Variants in PUDP observed in about 807,000 individuals in gnomAD.
PUDP encodes the protein pseudouridine-5'-phosphatase.
PUDP carries 8 observed loss-of-function variants against 9.4 expected under a neutral mutation model. The ratio of observed to expected loss-of-function variants is 0.85; its 90% CI spans 0.50 to 1.53. The LOEUF (loss-of-function observed/expected upper bound fraction) is 1.53, where lower values mean the gene tolerates loss of function less well. Among genes scored for constraint, PUDP ranks in the 40% most tolerant of loss-of-function variants. The probability of loss-of-function intolerance (pLI) is 0.00; values close to 1 mark genes in which losing one functional copy is unlikely to be tolerated. For missense variants in PUDP, 188 were observed against 189.7 expected (o/e 0.99, Z 0.05); for synonymous variants, 99 against 80.7 (o/e 1.23, Z -1.22).
chrX:7,053,033 C>T (rs1243732061), intron 3 of PUDP, among the ~76,000 whole-genome samples: 2 of 112,068 alleles, frequency 1.8e-5, no homozygotes, highest in East Asian at 5.6e-4. Context: ...ATTCTAAATG[C>T]CCTCCACTGT....
chrX:6,805,484 C>A (rs1926034383), intron 3 of PUDP, among the ~76,000 whole-genome samples: 2 of 109,810 alleles, frequency 1.8e-5, no homozygotes, highest in Non-Finnish European at 3.8e-5. Context: ...AGGGGAAGGG[C>A]ATAAGATGAA....
intron 3 of PUDP, among the ~76,000 whole-genome samples, chrX:6,748,000 A>G (rs1925020739): frequency 8.9e-6 from 1 of 111,999 alleles, no homozygotes; most frequent in Non-Finnish European, 1.9e-5. Flanking sequence ...AAAACCTTGG[A>G]GGGGAAAAAT....
chrX:7,048,827 T>A (rs1380410308), downstream of PUDP: 2 of 112,539 alleles, frequency 1.8e-5, no homozygotes, highest in Non-Finnish European at 3.8e-5. Context: ...TTGGGATTTT[T>A]AAAAAATTTA....
chrX:6,822,921 CT>C (rs1471822145), intron 3 of PUDP, among the ~76,000 whole-genome samples: 1 of 110,920 alleles, frequency 9.0e-6, no homozygotes, highest in Admixed American at 9.6e-5. Flanking sequence ...ATGAAAGCTC[CT>C]GTGTGATATA....
At chrX:6,774,941 G>C (rs1023816111) in intron 3 of PUDP, among the ~76,000 whole-genome samples, 2 of 112,473 alleles carry the variant, frequency 1.8e-5, no homozygotes, top group Non-Finnish European at 3.8e-5. Context: ...TGAGGGTGCT[G>C]TCTGGACATT....
chrX:6,813,940 G>A (rs1926185325), intron 3 of PUDP, among the ~76,000 whole-genome samples: 1 of 111,560 alleles, frequency 9.0e-6, no homozygotes, highest in African/African-American at 3.3e-5. Context: ...AGTCACATCT[G>A]GGCTTCAGGC....
chrX:6,832,987 T>TACACACACACACACAC (rs200319848), intron 3 of PUDP, among the ~76,000 whole-genome samples: 2 of 106,306 alleles, frequency 1.9e-5, no homozygotes, highest in African/African-American at 3.5e-5. Flanking sequence ...CTCTCTGACA[T>TACACACACACACACAC]ACACACACAC....
chrX:6,996,699 C>G (rs1206517149), intron 1 of PUDP, among the ~76,000 whole-genome samples: 2 of 99,676 alleles, frequency 2.0e-5, no homozygotes, highest in African/African-American at 7.5e-5. Context: ...TTCACTCTTG[C>G]TGCCCAGGCT....
chrX:6,713,257 G>C (rs1259780546), intron 1 of PUDP, among the ~76,000 whole-genome samples: 1 of 111,860 alleles, frequency 8.9e-6, no homozygotes, highest in Non-Finnish European at 1.9e-5. Flanking sequence ...ACAGTGTCTA[G>C]AAACAAGATG....
At chrX:7,044,637 A>G (rs1354598993), downstream of PUDP, among the ~76,000 whole-genome samples, 1 of 112,118 alleles carries the variant, frequency 8.9e-6, no homozygotes, top group Non-Finnish European at 1.9e-5. Flanking sequence ...CTCAGTCACC[A>G]CAAGGTGGGT....
At chrX:6,720,564 T>C (rs12010078) in intron 1 of PUDP, among the ~76,000 whole-genome samples, 51,989 of 104,546 alleles carry the variant, frequency 0.5, 10,827 homozygotes, top group African/African-American at 0.71. Flanking sequence ...AAATAAGTTC[T>C]GGGGATGCAA....
intron 3 of PUDP, among the ~76,000 whole-genome samples, chrX:6,825,995 T>A (rs1307888289): frequency 9.0e-6 from 1 of 111,665 alleles, no homozygotes; most frequent in Non-Finnish European, 1.9e-5. Flanking sequence ...TACTAAGAAA[T>A]TTTTTTTAAC....
chrX:6,712,101 A>G (rs1384735276), intron 1 of PUDP, among the ~76,000 whole-genome samples: 2 of 112,081 alleles, frequency 1.8e-5, no homozygotes, highest in Non-Finnish European at 3.8e-5. Flanking sequence ...CAAAGGATGC[A>G]ATGCCCTCAA....
chrX:6,893,949 C>T (rs904105919), intron 3 of PUDP, among the ~76,000 whole-genome samples: 5 of 111,527 alleles, frequency 4.5e-5, no homozygotes, highest in African/African-American at 6.5e-5. Flanking sequence ...TCCTTTGCAG[C>T]GACATGAATG....
intron 3 of PUDP, among the ~76,000 whole-genome samples, chrX:6,890,900 A>G (rs1358983411): frequency 1.3e-4 from 12 of 93,564 alleles, no homozygotes; most frequent in African/African-American, 4.4e-4. Flanking sequence ...GCAGATCAAG[A>G]CCATCCTGGG....
At chrX:6,999,399 T>G (rs1394181620) in intron 1 of PUDP, among the ~76,000 whole-genome samples, 1 of 111,862 alleles carries the variant, frequency 8.9e-6, no homozygotes, top group Non-Finnish European at 1.9e-5. Context: ...ATAGGAAATA[T>G]AAGAAGAAGA....
intron 3 of PUDP, among the ~76,000 whole-genome samples, chrX:6,809,834 C>A (rs1263850904): frequency 9.0e-6 from 1 of 111,228 alleles, no homozygotes; most frequent in Non-Finnish European, 1.9e-5. Context: ...CATCCCTATA[C>A]CTCCTTAGGA....
intron 3 of PUDP, among the ~76,000 whole-genome samples, chrX:6,891,547 C>T (rs1437049701): frequency 8.9e-6 from 1 of 112,284 alleles, no homozygotes; most frequent in East Asian, 2.8e-4. Flanking sequence ...CTCCCAACTC[C>T]TTTCTCCTCT....
At chrX:6,890,427 G>A (rs1293566631) in intron 3 of PUDP, among the ~76,000 whole-genome samples, 2 of 111,708 alleles carry the variant, frequency 1.8e-5, no homozygotes, top group South Asian at 3.7e-4. Flanking sequence ...GCAGTTTTGA[G>A]GTCATTTGCT....
Sources: gnomAD v4.1 joint callset for allele counts (sites outside exome capture counted in the v4.1 genomes callset) on GRCh38, gnomAD v4.1.1 for gene constraint, MANE v1.5 for transcripts, NCBI Gene and HGNC (gene_info 2026-07-23, HGNC 2026-07-21) for gene names.